The following FBLN2 variants were observed in gnomAD, a reference collection of about 807,000 sequenced individuals.
The protein encoded by FBLN2 is fibulin-2.
A neutral mutation model predicts 123.7 loss-of-function variants in FBLN2; 81 were observed. The observed-to-expected ratio is 0.65, with a 90% CI of 0.55 to 0.79. The LOEUF (loss-of-function observed/expected upper bound fraction) is 0.79, where lower values mean the gene tolerates loss of function less well. FBLN2 is among the 30% of genes least tolerant of loss of function. FBLN2 has a pLI of 0.00. For synonymous variants in FBLN2, 699 were observed against 701.4 expected, an observed-to-expected ratio of 1.00 and a Z score of 0.05; for missense variants, 1,603 against 1,681.3, an observed-to-expected ratio of 0.95 and a Z score of 0.81.
intron 2 of FBLN2, among the ~76,000 whole-genome samples, chr3:13,575,429 T>C (rs991677290): frequency 6.6e-6 from 1 of 152,154 alleles, no homozygotes; most frequent in Admixed American, 6.5e-5. Context: ...CACCAAACGC[T>C]GCAGCTGCCT....
chr3:13,593,713 C>CAAAAAAAA (rs59546141), intron 2 of FBLN2, among the ~76,000 whole-genome samples: 1 of 81,188 alleles, frequency 1.2e-5, no homozygotes, highest in Non-Finnish European at 2.5e-5. Flanking sequence ...GACTCTATCT[C>CAAAAAAAA]AAAAAAAAAA....
intron 4 of FBLN2, among the ~76,000 whole-genome samples, chr3:13,612,274 CT>C: frequency 7.2e-6 from 1 of 138,340 alleles, no homozygotes; most frequent in Non-Finnish European, 1.6e-5. Context: ...TTTTATTTTC[CT>C]TTTCTTTTCT....
At chr3:13,600,017 CAGAGAGAGAGAGAG>C (rs113759892) in intron 2 of FBLN2, among the ~76,000 whole-genome samples, 3 of 137,290 alleles carry the variant, frequency 2.2e-5, no homozygotes, top group Non-Finnish European at 3.1e-5. Flanking sequence ...AAAAACACGA[CAGAGAGAGAGAGAG>C]AGAGAGAGAG....
At chr3:13,609,692 G>GGGGGGGGGGGGGT in intron 4 of FBLN2, 50 bp downstream of exon 4, 15 of 508,386 alleles carry the variant, frequency 3.0e-5, no homozygotes, top group Middle Eastern at 6.4e-4. Context: ...GGCGGGGCGG[G>GGGGGGGGGGGGGT]AGGCTGGCCT....
At chr3:13,630,568 G>A (rs1706221323) in intron 14 of FBLN2, 131 bp from the exon 15 acceptor site, 2 of 674,178 alleles carry the variant, frequency 3.0e-6, no homozygotes, top group Admixed American at 2.6e-5. Flanking sequence ...TGGCAGGAGA[G>A]CTGGCCCTCG....
rs1186290695 is a variant in FBLN2 at position 13,615,275 on chromosome 3, C to A, written c.1729+1111C>A. Among the ~76,000 whole-genome samples the A allele has an allele frequency of 2.0e-5, 3 of 152,340 alleles. No homozygotes were observed. In the South Asian group the frequency reaches 6.2e-4, roughly 32 times the overall value. ...CTGGTGCCGTGAGAGTCCTGGCAGG[C>A]CTGCTTTGTTGGTGTCCACATGTTC... On this transcript the variant is annotated intron_variant, in intron 5 of 17. Coordinates refer to ENST00000404922, the MANE Select transcript of FBLN2 (RefSeq NM_001004019.2).
chr3:13,637,970 G>T lies in FBLN2; in HGVS notation c.*51G>T, dbSNP rs1449528584. 2 of 1,451,670 alleles carry T rather than the reference G, an allele frequency of 1.4e-6. No individual in the cohort carries two copies. The highest frequency in any genetic ancestry group is 4.2e-5 in the Admixed American group (2 of 47,676). 89.9% of individuals were successfully genotyped at this position (1,451,670 alleles called of 1,614,324 possible). On this transcript the variant is annotated 3_prime_UTR_variant, in exon 18 of 18. Coordinates refer to ENST00000404922, the MANE Select transcript of FBLN2 (RefSeq NM_001004019.2). Reference sequence around the variant, plus strand: ...TGTGGCGCAGCCCAGGGCTCACACTGCGTGGGAGGGACTGGGTCACTATTG... The same window carrying T: ...TGTGGCGCAGCCCAGGGCTCACACTTCGTGGGAGGGACTGGGTCACTATTG...
chr3:13,557,693 T>C (rs1703498490), intron 1 of FBLN2, among the ~76,000 whole-genome samples: 2 of 152,228 alleles, frequency 1.3e-5, no homozygotes, highest in South Asian at 4.1e-4. Flanking sequence ...CCTGTCACTG[T>C]GGATGGGGCA....
intron 1 of FBLN2, among the ~76,000 whole-genome samples, chr3:13,550,506 G>A (rs1157337189): frequency 6.6e-6 from 1 of 152,258 alleles, no homozygotes; most frequent in African/African-American, 2.4e-5. Context: ...GGATGGTTTG[G>A]GTGCTTGTGT....
In FBLN2 at chr3:13,570,702, A is replaced by AGTT. The variant is rs755785287; in HGVS notation, c.348_349insTTG (p.Leu117dup). On this transcript the variant is annotated inframe_insertion, in exon 2 of 18. Transcript: ENST00000404922. ...AGCTGCCAGTTCATGCTGTGCCCGG[A>AGTT]GCTGCCGCCCAACTGCATCGAGGCT... 5.0e-6 allele frequency: 8 copies of AGTT among 1,592,638 alleles called. No individual in the cohort carries two copies. The African/African-American group carries it at 1.1e-4, about 21-fold the overall frequency.
chr3:13,623,250 G>A (rs1705916707), intron 9 of FBLN2, among the ~76,000 whole-genome samples: 1 of 152,162 alleles, frequency 6.6e-6, no homozygotes, highest in Non-Finnish European at 1.5e-5. Flanking sequence ...ATCCCACCAG[G>A]GCCCACGAGC....
rs201964777 is a variant in FBLN2 at position 13,608,082 on chromosome 3, G to A, written c.1327G>A (p.Glu443Lys). The change falls in exon 3 of 18, where the codon GAG (glutamate) becomes AAG (lysine). Residue 443 changes from glutamate to lysine, a missense_variant. Glu to Lys is a moderately conservative substitution (Grantham distance 56). Coordinates refer to ENST00000404922, the MANE Select transcript of FBLN2 (RefSeq NM_001004019.2). ...CACAGGCTCCACCAAGGACCTGATC[G>A]AGACTTGCTGCGCAGCCGGACAGCA... ...SPEGSTKDLIETCCAAGQQWA... is the reference protein window; with the variant it reads ...SPEGSTKDLIKTCCAAGQQWA... The A allele has an allele frequency of 3.1e-6, 5 of 1,587,858 alleles. No homozygotes were observed. The highest frequency in any genetic ancestry group is 4.3e-6 in the Non-Finnish European group (5 of 1,167,388).
chr3:13,600,083 G>A (rs115166314), intron 2 of FBLN2, among the ~76,000 whole-genome samples: 1,044 of 95,042 alleles, frequency 0.011, 28 homozygotes, highest in African/African-American at 0.062. Context: ...GAGAGAGAGC[G>A]CCAGGCAGGG....
At chr3:13,630,986 T>C (rs192567974) in intron 15 of FBLN2, among the ~76,000 whole-genome samples, 171 bp downstream of exon 15, 2 of 152,266 alleles carry the variant, frequency 1.3e-5, no homozygotes, top group Admixed American at 1.3e-4. Context: ...GCAGATTGCC[T>C]CTCCACTCTG....
intron 2 of FBLN2, among the ~76,000 whole-genome samples, chr3:13,575,235 G>T (rs987895016): frequency 6.6e-6 from 1 of 152,162 alleles, no homozygotes; most frequent in Non-Finnish European, 1.5e-5. Flanking sequence ...ACCATAAGCC[G>T]CATGCTCAGA....
rs771706917 is a variant in FBLN2 at position 13,571,507 on chromosome 3, C to A, written c.1152C>A (p.Ser384Arg). ...PGSPRDPVKP[S>R]PHNILSTSLP... is the part of the protein sequence containing the mutation. ...CTCCCAGGGACCCAGTCAAGCCCAG[C>A]CCCCACAACATCCTGTCCACATCAC... The change falls in exon 2 of 18, where the codon AGC (serine) becomes AGA (arginine). Residue 384 changes from serine (S) to arginine (R), a missense_variant. Coordinates refer to ENST00000404922, the MANE Select transcript of FBLN2 (RefSeq NM_001004019.2). 1.2e-6 allele frequency: 2 copies of A among 1,613,598 alleles called. No homozygotes were observed. The highest frequency in any genetic ancestry group is 1.7e-6 in the Non-Finnish European group (2 of 1,179,848).
At position 13,626,301 on chromosome 3, in the gene FBLN2, G is replaced by A. The variant is rs1373504519; in HGVS notation, c.2297-144G>A. The A allele has an allele frequency of 7.8e-6, 6 of 769,418 alleles. No individual in the cohort carries two copies. In the African/African-American group the frequency reaches 8.7e-5, roughly 11 times the overall value. 47.7% of individuals were successfully genotyped at this position (769,418 alleles called of 1,614,324 possible). A position where few individuals can be genotyped will look rare whatever the true frequency, so the allele number is the denominator to read the frequency against. On this transcript the variant is annotated intron_variant, in intron 9 of 17. Coordinates refer to ENST00000404922, the MANE Select transcript of FBLN2 (RefSeq NM_001004019.2). ...GAATGAAGGGATGTTTGGGTGCCGA[G>A]ACATCAGCCACATCTCCGAATGGTG...
At chr3:13,610,185 G>C (rs1246758587) in intron 4 of FBLN2, among the ~76,000 whole-genome samples, 1 of 152,212 alleles carries the variant, frequency 6.6e-6, no homozygotes, top group Non-Finnish European at 1.5e-5. Flanking sequence ...AAAGGCCCTG[G>C]GGTCAGAGCC....
At chr3:13,580,693 G>C (rs1193713313) in intron 2 of FBLN2, among the ~76,000 whole-genome samples, 1 of 152,204 alleles carries the variant, frequency 6.6e-6, no homozygotes, top group African/African-American at 2.4e-5. Flanking sequence ...CAACACTGCT[G>C]TGGGGTGGCC....
Sources: gnomAD v4.1 joint callset for allele counts (sites outside exome capture counted in the v4.1 genomes callset) on GRCh38, gnomAD v4.1.1 for gene constraint, MANE v1.5 for transcripts, NCBI Gene and HGNC (gene_info 2026-07-23, HGNC 2026-07-21) for gene names.